The following DPP10 variants were observed in gnomAD, a reference collection of about 807,000 sequenced individuals.
DPP10 encodes inactive dipeptidyl peptidase 10.
In DPP10, 33 loss-of-function variants were observed where a neutral mutation model predicts 120.9. The ratio of observed to expected loss-of-function variants is 0.27; its 90% confidence interval spans 0.21 to 0.37. DPP10 has a LOEUF of 0.37. Among genes scored for constraint, DPP10 ranks in the 10% least tolerant of loss-of-function variants. The pLI, the probability that DPP10 is intolerant of heterozygous loss-of-function variation, is 1.00. For missense variants in DPP10, 816 were observed against 942.8 expected (o/e 0.87, Z 1.76); for synonymous variants, 337 against 326.1 (o/e 1.03, Z -0.36).
At position 114,811,579 on chromosome 2, in the gene DPP10, G is replaced by A. The variant is rs548364028; in HGVS notation, c.60+368741G>A. 1.5e-3 allele frequency among the ~76,000 whole-genome samples: 227 copies of A among 151,268 alleles called. 2 individuals carry two copies. Among genetic ancestry groups the A allele is most frequent in the African/African-American group, 5.3e-3 (217 of 41,206 alleles). ...CACTCTCATCTGGACTTTCAAACCT[G>A]CCACTTCCATCACCATCACCTCACC... On this transcript the variant is annotated intron_variant, in intron 1 of 25. Transcript: ENST00000410059.
At chr2:115,313,538 A>G (rs1236010929) in intron 2 of DPP10, among the ~76,000 whole-genome samples, 1 of 152,230 alleles carries the variant, frequency 6.6e-6, no homozygotes, top group Non-Finnish European at 1.5e-5. Context: ...AGATGAAAGC[A>G]TACAAAAAGT....
At chr2:115,434,053 T>C (rs1279837712) in intron 3 of DPP10, among the ~76,000 whole-genome samples, 1 of 151,948 alleles carries the variant, frequency 6.6e-6, no homozygotes, top group Admixed American at 6.6e-5. Flanking sequence ...GACCCAGAGA[T>C]AGGCTCAGGT....
At chr2:115,190,025 G>T (rs1355439818) in intron 1 of DPP10, among the ~76,000 whole-genome samples, 1 of 152,126 alleles carries the variant, frequency 6.6e-6, no homozygotes, top group East Asian at 1.9e-4. Flanking sequence ...TTTTCATCAT[G>T]AGGTAAACTC....
At chr2:114,842,964 C>G (rs1558800649) in intron 1 of DPP10, among the ~76,000 whole-genome samples, 2 of 152,058 alleles carry the variant, frequency 1.3e-5, no homozygotes, top group Non-Finnish European at 2.9e-5. Flanking sequence ...CCCATAACAT[C>G]AGAGCCCATA....
At chr2:114,652,993 AGAG>A (rs1455086459) in intron 1 of DPP10, among the ~76,000 whole-genome samples, 52 of 84,392 alleles carry the variant, frequency 6.2e-4, no homozygotes, top group African/African-American at 3.9e-3. Flanking sequence ...ATTGGAAGAG[AGAG>A]AGAGAGAGAG....
chr2:115,685,157 G>A (rs1292348281), intron 5 of DPP10, among the ~76,000 whole-genome samples: 1 of 151,828 alleles, frequency 6.6e-6, no homozygotes, highest in Non-Finnish European at 1.5e-5. Context: ...AAATCTTGAG[G>A]TTGATTTAAA....
chr2:114,709,727 A>G (rs1370469468), intron 1 of DPP10, among the ~76,000 whole-genome samples: 2 of 152,226 alleles, frequency 1.3e-5, no homozygotes, highest in Non-Finnish European at 2.9e-5. Context: ...CAAATTTATA[A>G]TTGGTGAATT....
intron 1 of DPP10, among the ~76,000 whole-genome samples, chr2:114,620,114 T>C (rs142265049): frequency 1.2e-3 from 186 of 152,078 alleles, no homozygotes; most frequent in Non-Finnish European, 2.3e-3. Flanking sequence ...TATTAGACTA[T>C]AAAATTTCAA....
intron 1 of DPP10, among the ~76,000 whole-genome samples, chr2:114,508,647 A>G (rs1281237648): frequency 6.6e-6 from 1 of 152,108 alleles, no homozygotes; most frequent in Non-Finnish European, 1.5e-5. Context: ...AGCACATCAG[A>G]GCATCTAAGT....
At chr2:115,534,079 C>T (rs1416413927) in intron 5 of DPP10, among the ~76,000 whole-genome samples, 1 of 151,144 alleles carries the variant, frequency 6.6e-6, no homozygotes, top group Non-Finnish European at 1.5e-5. Context: ...ACTAATTAAA[C>T]AACACACTTT....
intron 1 of DPP10, among the ~76,000 whole-genome samples, chr2:114,832,061 A>G (rs1299764604): frequency 6.6e-6 from 1 of 151,982 alleles, no homozygotes; most frequent in Non-Finnish European, 1.5e-5. Context: ...TTGACTAATT[A>G]TTTTCCACGT....
intron 1 of DPP10, among the ~76,000 whole-genome samples, chr2:114,739,824 G>T (rs1677846638): frequency 6.6e-6 from 1 of 152,120 alleles, no homozygotes; most frequent in Admixed American, 6.6e-5. Context: ...AGGAGTGGAA[G>T]GTAACCCAGT....
chr2:115,453,842 A>G (rs968605583), intron 3 of DPP10, among the ~76,000 whole-genome samples: 5 of 151,606 alleles, frequency 3.3e-5, no homozygotes, highest in Admixed American at 6.6e-5. Context: ...AAAACTGACA[A>G]AATCTTACCT....
At chr2:115,454,827 A>G (rs1400600247) in intron 3 of DPP10, among the ~76,000 whole-genome samples, 1 of 151,694 alleles carries the variant, frequency 6.6e-6, no homozygotes, top group East Asian at 1.9e-4. Context: ...CAGAAAATAC[A>G]AAGAGATCCA....
chr2:115,285,911 C>A (rs755156573), intron 1 of DPP10, among the ~76,000 whole-genome samples: 1 of 151,954 alleles, frequency 6.6e-6, no homozygotes, highest in African/African-American at 2.4e-5. Context: ...TCTGTTGTTT[C>A]TTCAATGCCT....
At chr2:115,734,646 A>T in intron 8 of DPP10, among the ~76,000 whole-genome samples, 1 of 105,762 alleles carries the variant, frequency 9.5e-6, no homozygotes, top group Non-Finnish European at 1.9e-5. Flanking sequence ...ACACAGTGAG[A>T]CTCTGTCTTA....
intron 2 of DPP10, among the ~76,000 whole-genome samples, chr2:115,336,193 A>G (rs900164493): frequency 3.3e-5 from 5 of 151,938 alleles, no homozygotes; most frequent in Non-Finnish European, 5.9e-5. Flanking sequence ...TTCAAAGGCC[A>G]TTTAAAAGCA....
At chr2:114,924,344 T>C (rs1695434000) in intron 1 of DPP10, among the ~76,000 whole-genome samples, 1 of 151,958 alleles carries the variant, frequency 6.6e-6, no homozygotes, top group Non-Finnish European at 1.5e-5. Flanking sequence ...CTGGGCAACA[T>C]GGCGAAACCC....
chr2:115,807,791 G>A (rs1165190608), intron 19 of DPP10, among the ~76,000 whole-genome samples: 12 of 141,266 alleles, frequency 8.5e-5, no homozygotes, highest in Non-Finnish European at 6.1e-5. Flanking sequence ...TGGAGATCAA[G>A]AAAAAAAAAA....
Sources: allele counts gnomAD v4.1 joint callset (sites outside exome capture counted in the v4.1 genomes callset), GRCh38; gene constraint gnomAD v4.1.1; transcripts MANE v1.5; gene names NCBI Gene and HGNC (gene_info 2026-07-23, HGNC 2026-07-21).